The following PRDM16 variants were observed in gnomAD, a reference collection of about 807,000 sequenced individuals.
PRDM16 encodes PR/SET domain 16, also known as histone-lysine N-methyltransferase PRDM16.
A neutral mutation model predicts 110.6 loss-of-function variants in PRDM16; 23 were observed. The observed-to-expected ratio is 0.21, with a 90% CI of 0.15 to 0.29. PRDM16 has a LOEUF of 0.29. Ranked by LOEUF, PRDM16 falls within the 10% of genes least tolerant of loss-of-function variation. The probability of loss-of-function intolerance (pLI) is 1.00; values close to 1 mark genes in which losing one functional copy is unlikely to be tolerated. For missense variants in PRDM16, 1,615 were observed against 1,794.3 expected, an observed-to-expected ratio of 0.90 and a Z score of 1.81; for synonymous variants, 799 against 781.8, an observed-to-expected ratio of 1.02 and a Z score of -0.37.
intron 3 of PRDM16, among the ~76,000 whole-genome samples, chr1:3,319,808 G>A (rs7531499): frequency 0.079 from 12,021 of 152,162 alleles, 1,560 homozygotes; most frequent in African/African-American, 0.27. Flanking sequence ...GCAGGTAGGC[G>A]CTCCTCCCAT....
At chr1:3,120,092 C>T (rs1282226476) in intron 1 of PRDM16, among the ~76,000 whole-genome samples, 1 of 139,178 alleles carries the variant, frequency 7.2e-6, no homozygotes, top group Non-Finnish European at 1.5e-5. Flanking sequence ...CACCACCAGC[C>T]CTTATCCCAC....
intron 1 of PRDM16, among the ~76,000 whole-genome samples, chr1:3,183,722 G>C (rs769180679): frequency 6.6e-6 from 1 of 152,212 alleles, no homozygotes; most frequent in Non-Finnish European, 1.5e-5. Flanking sequence ...CGGGTCAGGG[G>C]TTTTGGGAAG....
chr1:3,315,158 C>T (rs934570948), intron 3 of PRDM16, among the ~76,000 whole-genome samples: 7 of 151,402 alleles, frequency 4.6e-5, no homozygotes, highest in Admixed American at 2.0e-4. Flanking sequence ...CGCTTCACTC[C>T]GTGTCTCCCC....
intron 6 of PRDM16, among the ~76,000 whole-genome samples, chr1:3,404,222 G>A (rs1386419719): frequency 6.6e-6 from 1 of 152,204 alleles, no homozygotes; most frequent in African/African-American, 2.4e-5. Context: ...TCATCCAAGT[G>A]CAGCGGCCCC....
At chr1:3,262,972 C>T (rs1441148680) in intron 3 of PRDM16, among the ~76,000 whole-genome samples, 3 of 152,182 alleles carry the variant, frequency 2.0e-5, no homozygotes, top group Non-Finnish European at 2.9e-5. Context: ...ATTGTGCCTC[C>T]GGCAGGGCCA....
chr1:3,367,769 G>A (rs984663814), intron 3 of PRDM16, among the ~76,000 whole-genome samples: 6 of 152,164 alleles, frequency 3.9e-5, no homozygotes, highest in Admixed American at 1.3e-4. Context: ...TAATGGAGCC[G>A]GTAGTGAGTA....
intron 1 of PRDM16, among the ~76,000 whole-genome samples, chr1:3,114,165 GCACA>G (rs778067599): frequency 3.1e-5 from 4 of 129,156 alleles, no homozygotes; most frequent in Admixed American, 7.7e-5. Context: ...ACACACACAC[GCACA>G]CACACGCACA....
chr1:3,279,801 G>A lies in PRDM16; in HGVS notation c.438+35664G>A, dbSNP rs1015711136. Among the ~76,000 whole-genome samples the A allele has an allele frequency of 8.9e-4, 136 of 152,176 alleles. 1 individual carries two copies. Among genetic ancestry groups the A allele is most frequent in the African/African-American group, 3.2e-3 (134 of 41,494 alleles). ...TGAGGACCAGAGCCTGCGGGGGGGT[G>A]GGGACAGGGAAGTGGCCTCCTGGGC... On this transcript the variant is annotated intron_variant, in intron 3 of 16. Coordinates refer to ENST00000270722, the MANE Select transcript of PRDM16 (RefSeq NM_022114.4).
At chr1:3,317,343 C>T (rs1009357414) in intron 3 of PRDM16, among the ~76,000 whole-genome samples, 1 of 152,196 alleles carries the variant, frequency 6.6e-6, no homozygotes, top group Non-Finnish European at 1.5e-5. Flanking sequence ...GGGCCCTCAC[C>T]GAGGCTGCAG....
At chr1:3,186,070 T>C in intron 1 of PRDM16, 55 bp from the exon 2 acceptor site, 2 of 1,471,714 alleles carry the variant, frequency 1.4e-6, no homozygotes, top group Non-Finnish European at 1.9e-6. Context: ...CCCTGAGCTG[T>C]ACACACTGGG....
intron 3 of PRDM16, among the ~76,000 whole-genome samples, chr1:3,363,902 G>A (rs139283962): frequency 2.6e-5 from 4 of 152,194 alleles, no homozygotes; most frequent in Non-Finnish European, 4.4e-5. Context: ...CCGGCCAAAG[G>A]CAGCACCTCC....
intron 1 of PRDM16, among the ~76,000 whole-genome samples, chr1:3,078,248 A>C (rs1423579135): frequency 6.6e-6 from 1 of 152,052 alleles, no homozygotes; most frequent in Non-Finnish European, 1.5e-5. Context: ...GGACCTCTCC[A>C]GCTGCAGGAT....
At chr1:3,211,885 C>CG (rs1638893601) in intron 2 of PRDM16, among the ~76,000 whole-genome samples, 1 of 152,202 alleles carries the variant, frequency 6.6e-6, no homozygotes, top group South Asian at 2.1e-4. Flanking sequence ...TGGGTGGGAG[C>CG]GGGTGTGTAT....
intron 4 of PRDM16, among the ~76,000 whole-genome samples, chr1:3,391,487 AT>A (rs1643299671): frequency 6.6e-6 from 1 of 152,214 alleles, no homozygotes; most frequent in African/African-American, 2.4e-5. Flanking sequence ...TTTAAGAATG[AT>A]CAAGGTAATT....
chr1:3,123,881 G>C (rs967700896), intron 1 of PRDM16, among the ~76,000 whole-genome samples: 1 of 152,236 alleles, frequency 6.6e-6, no homozygotes, highest in African/African-American at 2.4e-5. Flanking sequence ...ACAGAGACTT[G>C]TGTCCTTGTC....
intron 1 of PRDM16, among the ~76,000 whole-genome samples, chr1:3,137,013 C>A (rs2100694253): frequency 6.6e-6 from 1 of 152,294 alleles, no homozygotes; most frequent in African/African-American, 2.4e-5. Flanking sequence ...CCCCAGGGTC[C>A]CATCACCGGA....
At chr1:3,402,620 G>T (rs1021060037) in intron 5 of PRDM16, among the ~76,000 whole-genome samples, 171 bp from the exon 6 acceptor site, 1 of 152,138 alleles carries the variant, frequency 6.6e-6, no homozygotes, top group South Asian at 2.1e-4. Flanking sequence ...CTGTTTCCAG[G>T]GCAGGCTGGT....
intron 4 of PRDM16, among the ~76,000 whole-genome samples, chr1:3,389,363 C>T (rs1216369047): frequency 6.6e-6 from 1 of 152,234 alleles, no homozygotes; most frequent in Non-Finnish European, 1.5e-5. Context: ...CCTGTTCCTT[C>T]CCCATCTCAG....
In PRDM16 at chr1:3,204,951, G is replaced by A. The variant is rs1021665780; in HGVS notation, c.387+18477G>A. 7.2e-5 allele frequency among the ~76,000 whole-genome samples: 11 copies of A among 152,314 alleles called. No homozygotes were observed. In the South Asian group the frequency reaches 1.0e-3, roughly 14 times the overall value. On this transcript the variant is annotated intron_variant, in intron 2 of 16. Coordinates refer to ENST00000270722, the MANE Select transcript of PRDM16 (RefSeq NM_022114.4). The stretch of plus-strand genomic sequence containing the variant: ...CCGAACGGGGAGCTGGGAAGGCCCC[G>A]CGGGATTGTTATCGAATTAGTTGAA...
Sources: gnomAD v4.1 joint callset for allele counts (sites outside exome capture counted in the v4.1 genomes callset) on GRCh38, gnomAD v4.1.1 for gene constraint, MANE v1.5 for transcripts, NCBI Gene and HGNC (gene_info 2026-07-23, HGNC 2026-07-21) for gene names.